The following LIFR variants were observed in gnomAD, a reference collection of about 807,000 sequenced individuals.
LIFR encodes the protein leukemia inhibitory factor receptor.
Under a neutral mutation model 122.2 loss-of-function variants are expected in LIFR, and 84 were observed. The ratio of observed to expected loss-of-function variants is 0.69; its 90% CI spans 0.58 to 0.82. LIFR has a LOEUF of 0.82. LIFR is among the 40% of genes least tolerant of loss of function. The pLI is 0.00. For synonymous variants in LIFR, 422 were observed against 434.7 expected, an observed-to-expected ratio of 0.97 and a Z score of 0.36; for missense variants, 1,294 against 1,311.6, an observed-to-expected ratio of 0.99 and a Z score of 0.21.
rs58706799 is a variant in LIFR, at chr5:38,549,252, T to TACACAC, written c.-20+7076_-20+7081dup. On this transcript the variant is annotated intron_variant, in intron 1 of 19. Coordinates refer to ENST00000453190, the MANE Select transcript of LIFR (RefSeq NM_001127671.2). ...TTACTACATAATATGTAGAAAATTG[T>TACACAC]ACACACACACACACACACACACACA... is the stretch of plus-strand genomic sequence containing the variant. Among the ~76,000 whole-genome samples, 386 of 147,906 alleles carry TACACAC rather than the reference T, an allele frequency of 2.6e-3. 4 individuals are homozygous for TACACAC. The highest frequency in any genetic ancestry group is 0.014 in the South Asian group (64 of 4,570).
intron 5 of LIFR, among the ~76,000 whole-genome samples, chr5:38,518,827 T>C (rs1281423034): frequency 6.6e-6 from 1 of 152,184 alleles, no homozygotes; most frequent in Non-Finnish European, 1.5e-5. Context: ...GACAGCTCCA[T>C]GCATGTTACT....
Position 38,523,418 on chromosome 5 carries a change from C to A in LIFR, c.561+1G>T, listed in dbSNP as rs1746506127. 1.2e-6 allele frequency: 2 copies of A among 1,607,188 alleles called. No individual in the cohort carries two copies. Among genetic ancestry groups the A allele is most frequent in the African/African-American group, 2.7e-5 (2 of 74,450 alleles). The stretch of plus-strand genomic sequence containing the variant: ...GGAAGAAAATCTATGTTCAAACTTA[C>A]TAATTTTACGAGCTCCATACTCTCT... On this transcript the variant is annotated splice_donor_variant, in intron 5 of 19. Transcript: ENST00000453190. LOFTEE classifies it high-confidence loss of function.
chr5:38,564,523 G>A (rs1313400981), intron 1 of LIFR, among the ~76,000 whole-genome samples: 1 of 151,786 alleles, frequency 6.6e-6, no homozygotes, highest in Admixed American at 6.6e-5. Flanking sequence ...AGTCCCCCAT[G>A]ACTGGATTCT....
chr5:38,492,559 A>C (rs910569335), intron 14 of LIFR, among the ~76,000 whole-genome samples: 1 of 152,214 alleles, frequency 6.6e-6, no homozygotes, highest in East Asian at 1.9e-4. Flanking sequence ...CAACTCAGGA[A>C]GATCATTACC....
chr5:38,576,939 A>T (rs1031686455), intron 1 of LIFR, among the ~76,000 whole-genome samples: 5 of 152,234 alleles, frequency 3.3e-5, no homozygotes, highest in South Asian at 2.1e-4. Context: ...AAGTGCTCAC[A>T]TAAGCAAAAC....
chr5:38,598,258 T>G (rs1372809661), upstream of LIFR, among the ~76,000 whole-genome samples: 1 of 53,698 alleles, frequency 1.9e-5, no homozygotes, highest in African/African-American at 1.1e-4. Flanking sequence ...TTTTTTTTTT[T>G]TCTTTTTAGA....
At chr5:38,550,800 C>T (rs1748160605) in intron 1 of LIFR, among the ~76,000 whole-genome samples, 1 of 152,186 alleles carries the variant, frequency 6.6e-6, no homozygotes, top group South Asian at 2.1e-4. Context: ...ATCATGGTTA[C>T]ACTGCCAATC....
At chr5:38,528,546 C>A in intron 3 of LIFR, 180 bp downstream of exon 3, 1 of 637,990 alleles carries the variant, frequency 1.6e-6, no homozygotes, top group Non-Finnish European at 2.9e-6. Context: ...CTTGCCATCA[C>A]ACCTCATAAT....
intron 4 of LIFR, among the ~76,000 whole-genome samples, chr5:38,526,174 T>C (rs1369742309): frequency 6.6e-6 from 1 of 152,198 alleles, no homozygotes; most frequent in Non-Finnish European, 1.5e-5. Flanking sequence ...GAAACTCAGA[T>C]AGGGAAGAAA....
Position 38,510,483 on chromosome 5 carries a change from T to C in LIFR, c.972A>G (p.Gly324=), listed in dbSNP as rs1745737827. ...VVFTTEDNIF[G]TVIFAGYPPD... ...ACTTACATCCAGCAAAAATAACGGT[T>C]CCAAATATGTTATCTTCGGTTGTAA... The change falls in exon 7 of 20, where the codon GGA becomes GGG. Residue 324 remains glycine (G), a synonymous_variant. Transcript: ENST00000453190. 6.2e-7 allele frequency: 1 copy of C among 1,613,456 alleles called. No individual in the cohort carries two copies. The highest frequency in any genetic ancestry group is 8.5e-7 in the Non-Finnish European group (1 of 1,179,798).
intron 12 of LIFR, among the ~76,000 whole-genome samples, chr5:38,497,212 G>A (rs1744929197): frequency 6.6e-6 from 1 of 152,224 alleles, no homozygotes; most frequent in Non-Finnish European, 1.5e-5. Flanking sequence ...GAACCTGGCA[G>A]GTGGAGGTCA....
At chr5:38,488,381 G>A (rs1229182911) in intron 16 of LIFR, among the ~76,000 whole-genome samples, 1 of 152,180 alleles carries the variant, frequency 6.6e-6, no homozygotes, top group South Asian at 2.1e-4. Flanking sequence ...ATTTCTTTCT[G>A]AGGCGAGGTC....
intron 1 of LIFR, among the ~76,000 whole-genome samples, chr5:38,554,426 A>G (rs913635620): frequency 6.6e-6 from 1 of 152,258 alleles, no homozygotes; most frequent in Non-Finnish European, 1.5e-5. Context: ...AAAAACCTCA[A>G]AAACTAATGC....
chr5:38,528,577 A>G, intron 3 of LIFR, 149 bp downstream of exon 3: 2 of 682,488 alleles, frequency 2.9e-6, no homozygotes, highest in East Asian at 2.7e-5. Context: ...CTACAGGAGA[A>G]AAATGAGGCA....
chr5:38,560,176 A>G (rs1748779636), upstream of LIFR, among the ~76,000 whole-genome samples: 1 of 152,210 alleles, frequency 6.6e-6, no homozygotes, highest in African/African-American at 2.4e-5. Flanking sequence ...TGGAAGCAAA[A>G]AAAAAAACAT....
chr5:38,557,889 C>G (rs1182221161), upstream of LIFR: 7 of 152,128 alleles, frequency 4.6e-5, no homozygotes, highest in Non-Finnish European at 1.0e-4. Flanking sequence ...CCCCTAAGAC[C>G]TTGTTTGGAT....
chr5:38,553,666 ATATAT>A, intron 1 of LIFR, among the ~76,000 whole-genome samples: 1 of 114,274 alleles, frequency 8.8e-6, no homozygotes, highest in African/African-American at 3.5e-5. Flanking sequence ...ATATATATAT[ATATAT>A]ATTATATGTA....
chr5:38,481,999 C>A lies in LIFR; in HGVS notation c.2890G>T (p.Asp964Tyr). The A allele has an allele frequency of 6.2e-7, 1 of 1,614,194 alleles. No individual in the cohort carries two copies. The highest frequency in any genetic ancestry group is 8.5e-7 in the Non-Finnish European group (1 of 1,180,020). ...IEEEIPNPAADEAGGTAQVIY... is the reference protein window; with the variant it reads ...IEEEIPNPAAYEAGGTAQVIY... ...ACCTGTGCAGTCCCTCCAGCTTCAT[C>A]TGCGGCTGGGTTTGGTATTTCTTCC... The change falls in exon 20 of 20, where the codon GAT (aspartate) becomes TAT (tyrosine). Residue 964 changes from aspartate (D) to tyrosine (Y), a missense_variant. Physicochemically the swap from Asp to Tyr is radical, Grantham distance 160 (BLOSUM62 -3). Transcript: ENST00000453190.
At chr5:38,546,118 C>G (rs964488789) in intron 1 of LIFR, among the ~76,000 whole-genome samples, 37 of 152,290 alleles carry the variant, frequency 2.4e-4, no homozygotes, top group African/African-American at 8.4e-4. Context: ...AATATATTTA[C>G]TGTAACTTTA....
Sources: gnomAD v4.1 joint callset for allele counts (sites outside exome capture counted in the v4.1 genomes callset) on GRCh38, gnomAD v4.1.1 for gene constraint, MANE v1.5 for transcripts, NCBI Gene and HGNC (gene_info 2026-07-23, HGNC 2026-07-21) for gene names.